The following RBPJ variants were observed in gnomAD, a reference collection of about 807,000 sequenced individuals.
RBPJ encodes recombining binding protein suppressor of hairless.
In RBPJ, 9 loss-of-function variants were observed where a neutral mutation model predicts 67.8. That is an observed-to-expected ratio of 0.13 (90% CI 0.08 to 0.23). RBPJ has a LOEUF of 0.23. RBPJ is among the 10% of genes least tolerant of loss of function. The probability of loss-of-function intolerance (pLI) is 1.00; values close to 1 mark genes in which losing one functional copy is unlikely to be tolerated. For missense variants in RBPJ, 305 were observed against 595.6 expected (o/e 0.51, Z 5.08); for synonymous variants, 198 against 203.3 (o/e 0.97, Z 0.22).
intron 1 of RBPJ, among the ~76,000 whole-genome samples, chr4:26,327,114 A>G (rs1723709138): frequency 6.6e-6 from 1 of 152,148 alleles, no homozygotes; most frequent in Admixed American, 6.5e-5. Context: ...ACAGTTCTGT[A>G]TGCCTCTTAG....
At chr4:26,400,067 A>C (rs907034338) in intron 2 of RBPJ, among the ~76,000 whole-genome samples, 1 of 152,214 alleles carries the variant, frequency 6.6e-6, no homozygotes, top group African/African-American at 2.4e-5. Flanking sequence ...AAGTATTCAA[A>C]AAAACAGTTC....
chr4:26,270,377 G>GAAAGAAAGAAAGAAAGAAAGAAAGAA (rs1720846572), intron 1 of RBPJ, among the ~76,000 whole-genome samples: 10 of 44,140 alleles, frequency 2.3e-4, no homozygotes, highest in Non-Finnish European at 4.1e-4. Flanking sequence ...AAGAAAGAAA[G>GAAAGAAAGAAAGAAAGAAAGAAAGAA]AAAGAAAGAA....
Position 26,302,990 on chromosome 4 carries a change from G to T in RBPJ, c.-166-59456G>T, listed in dbSNP as rs1303895598. 2.6e-5 allele frequency among the ~76,000 whole-genome samples: 4 copies of T among 151,818 alleles called. No homozygotes were observed. The South Asian group carries it at 8.3e-4, about 32-fold the overall frequency. On this transcript the variant is annotated intron_variant, in intron 1 of 4. Transcript: ENST00000512351. ...GAGGCCAGGGGTTTGAGACCAGACTGGCCAACATAGTCATACCCCGTCTCT... is the reference window on the plus strand; with the variant it reads ...GAGGCCAGGGGTTTGAGACCAGACTTGCCAACATAGTCATACCCCGTCTCT...
At chr4:26,206,770 A>T (rs1718184532) in intron 1 of RBPJ, among the ~76,000 whole-genome samples, 1 of 140,692 alleles carries the variant, frequency 7.1e-6, no homozygotes, top group African/African-American at 2.6e-5. Flanking sequence ...AAAAAAAAAA[A>T]TCCTGGCCAG....
intron 1 of RBPJ, among the ~76,000 whole-genome samples, chr4:26,219,769 T>G (rs540903599): frequency 1.0e-3 from 153 of 152,176 alleles, no homozygotes; most frequent in East Asian, 2.1e-3. Context: ...TCAGGTTTTT[T>G]TTGTTGTTGT....
intron 3 of RBPJ, among the ~76,000 whole-genome samples, chr4:26,408,152 A>C (rs1391079056): frequency 6.6e-6 from 1 of 152,020 alleles, no homozygotes; most frequent in Non-Finnish European, 1.5e-5. Context: ...TACAGGCATG[A>C]GACACCGTGC....
intron 1 of RBPJ, among the ~76,000 whole-genome samples, chr4:26,259,434 T>G (rs1371635037): frequency 6.6e-6 from 1 of 152,222 alleles, no homozygotes; most frequent in African/African-American, 2.4e-5. Context: ...TTAGTCTGCT[T>G]TTACTTTGAC....
chr4:26,315,167 A>AAAAAAAAAAAT (rs1325689348), upstream of RBPJ, among the ~76,000 whole-genome samples: 9 of 74,768 alleles, frequency 1.2e-4, no homozygotes, highest in East Asian at 4.6e-4. Flanking sequence ...AAAAAAAAAA[A>AAAAAAAAAAAT]ATATATATAT....
the RBPJ span, among the ~76,000 whole-genome samples, chr4:26,123,001 A>C: frequency 2.0e-5 from 3 of 151,854 alleles, no homozygotes; most frequent in African/African-American, 7.3e-5. Context: ...CAAGAAGCAC[A>C]CTCCCCTCTC....
At position 26,326,540 on chromosome 4, in the gene RBPJ, A is replaced by G. The variant is rs543788055; in HGVS notation, c.20+5492A>G. ...TGGGGAATCCATGCCATAGAACCAA[A>G]TAATAAGTTGATAATTTACATGGAG... On this transcript the variant is annotated intron_variant, in intron 1 of 10. Coordinates refer to ENST00000355476, the MANE Select transcript of RBPJ (RefSeq NM_015874.6). Among the ~76,000 whole-genome samples, 6 of 152,312 alleles carry G rather than the reference A, an allele frequency of 3.9e-5. No homozygotes were observed. In the East Asian group the frequency reaches 1.2e-3, roughly 29 times the overall value.
chr4:26,320,914 G>C, upstream of RBPJ: 2 of 1,601,174 alleles, frequency 1.2e-6, no homozygotes, highest in Non-Finnish European at 1.7e-6. Context: ...AGGGAGCGCG[G>C]GGGCTGGGTG....
chr4:26,366,346 T>G lies in RBPJ; in HGVS notation c.21-20007T>G, dbSNP rs550470198. Among the ~76,000 whole-genome samples, 22 of 152,166 alleles carry G rather than the reference T, an allele frequency of 1.4e-4. 1 individual carries two copies. In the South Asian group the frequency reaches 4.3e-3, roughly 30 times the overall value. On this transcript the variant is annotated intron_variant, in intron 1 of 10. Coordinates refer to ENST00000355476, the MANE Select transcript of RBPJ (RefSeq NM_015874.6). The stretch of plus-strand genomic sequence containing the variant: ...GAACAGTTAGTTTGCTATAAAACTT[T>G]GGTTTTGTTTTTTTGTTGCTATATT...
At position 26,260,259 on chromosome 4, in the gene RBPJ, T is replaced by C. The variant is rs187103449; in HGVS notation, c.-167+96645T>C. Reference sequence around the variant, plus strand: ...GTGGCTTGTCTAATACAAATACATATCTTGTTTCATGTACTAATGGCCCTA... The same window carrying C: ...GTGGCTTGTCTAATACAAATACATACCTTGTTTCATGTACTAATGGCCCTA... On this transcript the variant is annotated intron_variant, in intron 1 of 4. Transcript: ENST00000512351. 3.3e-5 allele frequency among the ~76,000 whole-genome samples: 5 copies of C among 152,340 alleles called. No individual in the cohort carries two copies. The East Asian group carries it at 7.7e-4, about 23-fold the overall frequency.
At chr4:26,319,887 A>AG (rs772467135), upstream of RBPJ, 45 of 1,564,458 alleles carry the variant, frequency 2.9e-5, no homozygotes, top group Admixed American at 7.3e-4. Flanking sequence ...GGGGGGCTGC[A>AG]GGTAGGAGGA....
At chr4:26,163,655 C>G (rs942722754) in intron 1 of RBPJ, 1 of 152,158 alleles carries the variant, frequency 6.6e-6, no homozygotes, top group African/African-American at 2.4e-5. Flanking sequence ...TTATGTTGCC[C>G]ATAAAAATAC....
chr4:26,193,603 G>T (rs769677903), intron 1 of RBPJ, among the ~76,000 whole-genome samples: 6 of 151,832 alleles, frequency 4.0e-5, no homozygotes, highest in African/African-American at 1.5e-4. Flanking sequence ...CACCATAATC[G>T]CTAGTATAAT....
At chr4:26,130,019 G>A in the RBPJ span, among the ~76,000 whole-genome samples, 9 of 151,906 alleles carry the variant, frequency 5.9e-5, no homozygotes, top group South Asian at 1.0e-3. Flanking sequence ...GCACCACCAC[G>A]CCCAGCTAAT....
intron 1 of RBPJ, among the ~76,000 whole-genome samples, chr4:26,168,478 T>C (rs377193459): frequency 1.3e-5 from 2 of 150,478 alleles, no homozygotes; most frequent in African/African-American, 4.9e-5. Flanking sequence ...GTGGGTAACC[T>C]GACCTTTCTC....
chr4:26,323,485 C>T (rs1290515991), intron 1 of RBPJ, among the ~76,000 whole-genome samples: 1 of 152,106 alleles, frequency 6.6e-6, no homozygotes, highest in Non-Finnish European at 1.5e-5. Flanking sequence ...CAGCATATTT[C>T]GAAATCTGGA....
Sources: gnomAD v4.1 joint callset for allele counts (sites outside exome capture counted in the v4.1 genomes callset) on GRCh38, gnomAD v4.1.1 for gene constraint, MANE v1.5 for transcripts, NCBI Gene and HGNC (gene_info 2026-07-23, HGNC 2026-07-21) for gene names.